The following DGKH variants were observed in gnomAD, a reference collection of about 807,000 sequenced individuals.
The protein encoded by DGKH is DAG kinase eta.
DGKH carries 90 observed loss-of-function variants against 159.3 expected under a neutral mutation model. The observed-to-expected ratio is 0.57, with a 90% CI of 0.48 to 0.67. DGKH has a LOEUF of 0.67. Among genes scored for constraint, DGKH ranks in the 30% least tolerant of loss-of-function variants. The pLI is 0.00. For missense variants in DGKH, 1,181 were observed against 1,506.1 expected, an observed-to-expected ratio of 0.78 and a Z score of 3.57; for synonymous variants, 536 against 553.8, an observed-to-expected ratio of 0.97 and a Z score of 0.45.
exon 1 of DGKH, chr13:42,040,098 G>A (rs889874504): frequency 2.6e-5 from 4 of 152,300 alleles, no homozygotes; most frequent in African/African-American, 4.8e-5. Flanking sequence ...TAGCTGGAGT[G>A]CGGCTGAGTT....
chr13:42,108,575 T>A (rs149286521), intron 1 of DGKH, among the ~76,000 whole-genome samples: 2 of 152,334 alleles, frequency 1.3e-5, no homozygotes, highest in Non-Finnish European at 2.9e-5. Context: ...AACTAAGACA[T>A]GTGTTACGTG....
At chr13:42,118,156 G>T (rs1420180435) in intron 1 of DGKH, among the ~76,000 whole-genome samples, 11 of 152,110 alleles carry the variant, frequency 7.2e-5, no homozygotes, top group Non-Finnish European at 1.6e-4. Context: ...GGCGGAGCTT[G>T]CAGTGAGCCC....
At chr13:42,085,874 C>G (rs1244936899) in intron 1 of DGKH, among the ~76,000 whole-genome samples, 2 of 152,140 alleles carry the variant, frequency 1.3e-5, no homozygotes, top group Non-Finnish European at 2.9e-5. Context: ...ATATTTACTA[C>G]ATACTGATAC....
At chr13:42,159,428 C>A in intron 6 of DGKH, 56 bp downstream of exon 6, 2 of 1,220,422 alleles carry the variant, frequency 1.6e-6, no homozygotes, top group Non-Finnish European at 2.4e-6. Flanking sequence ...TTATGTTCTG[C>A]TCTTGTGGAA....
chr13:42,159,015 A>G (rs957269194), intron 5 of DGKH, among the ~76,000 whole-genome samples: 1 of 152,014 alleles, frequency 6.6e-6, no homozygotes. Context: ...TTTTGCATTT[A>G]TTTCTTTTCT....
chr13:42,196,301 ATACACCCAAGAGAATTGAAAATACATGTC>A (rs1370657721), intron 17 of DGKH, among the ~76,000 whole-genome samples: 1 of 152,220 alleles, frequency 6.6e-6, no homozygotes, highest in Non-Finnish European at 1.5e-5. Context: ...ACTACTAGGT[ATACACCCAAGAGAATTGAAAATACATGTC>A]TACACAAAAA....
intron 16 of DGKH, 26 bp downstream of exon 16, chr13:42,190,551 T>A (rs756309055): frequency 1.2e-5 from 19 of 1,559,986 alleles, no homozygotes; most frequent in Non-Finnish European, 1.6e-5. Context: ...AAAAATTATT[T>A]TGGAATTAAA....
intron 1 of DGKH, among the ~76,000 whole-genome samples, chr13:42,049,632 C>T (rs1881118914): frequency 6.6e-6 from 1 of 152,204 alleles, no homozygotes; most frequent in Admixed American, 6.5e-5. Flanking sequence ...AAGGGCTGGC[C>T]AGGCTTTCGT....
intron 14 of DGKH, among the ~76,000 whole-genome samples, 174 bp downstream of exon 14, chr13:42,187,322 C>T (rs966245043): frequency 7.2e-5 from 11 of 152,190 alleles, no homozygotes; most frequent in Middle Eastern, 3.4e-3. Context: ...TTATTGTTAC[C>T]CTTTAATATG....
rs150732149 is a variant in DGKH at position 42,102,800 on chromosome 13, C to T, written c.193-24663C>T. On this transcript the variant is annotated intron_variant, in intron 1 of 29. Transcript: ENST00000337343. Reference sequence around the variant, plus strand: ...AATTTTTTATGAAAGACTAGGAAAGCCTTGGAACGGAGTTCATTCAGGACA... The same window carrying T: ...AATTTTTTATGAAAGACTAGGAAAGTCTTGGAACGGAGTTCATTCAGGACA... Among the ~76,000 whole-genome samples the T allele has an allele frequency of 1.2e-3, 184 of 152,252 alleles. 1 individual carries two copies. Among genetic ancestry groups the T allele is most frequent in the African/African-American group, 4.3e-3 (178 of 41,554 alleles).
chr13:42,077,873 A>T (rs1465086563), intron 1 of DGKH, among the ~76,000 whole-genome samples: 1 of 152,174 alleles, frequency 6.6e-6, no homozygotes, highest in African/African-American at 2.4e-5. Flanking sequence ...AATCTAAGTG[A>T]TTTTTCTGAT....
At chr13:42,147,288 C>T (rs1281052157) in intron 3 of DGKH, among the ~76,000 whole-genome samples, 1 of 152,026 alleles carries the variant, frequency 6.6e-6, no homozygotes, top group Admixed American at 6.6e-5. Flanking sequence ...TGTGAGATAC[C>T]CTGGTGATGT....
At chr13:42,070,752 G>A in intron 1 of DGKH, 3 of 1,595,628 alleles carry the variant, frequency 1.9e-6, no homozygotes, top group Non-Finnish European at 2.6e-6. Flanking sequence ...CTTTAGACAA[G>A]TCTGTCTTCA....
At chr13:42,171,049 T>C (rs1196423693) in intron 11 of DGKH, among the ~76,000 whole-genome samples, 3 of 152,198 alleles carry the variant, frequency 2.0e-5, no homozygotes, top group Non-Finnish European at 4.4e-5. Context: ...CACTTTGGGT[T>C]GGGTCAGAAA....
At chr13:42,085,987 A>C (rs1954293487) in intron 1 of DGKH, among the ~76,000 whole-genome samples, 1 of 151,894 alleles carries the variant, frequency 6.6e-6, no homozygotes, top group South Asian at 2.1e-4. Flanking sequence ...TAGTACAGTC[A>C]TGGCTCACTG....
chr13:42,186,922 G>A (rs957573144), intron 13 of DGKH, 127 bp from the exon 14 acceptor site: 11 of 752,662 alleles, frequency 1.5e-5, no homozygotes, highest in Non-Finnish European at 2.2e-5. Context: ...TAGAAGCATA[G>A]ATTTATATAC....
At chr13:42,175,713 A>G (rs994922077) in intron 12 of DGKH, among the ~76,000 whole-genome samples, 2 of 152,214 alleles carry the variant, frequency 1.3e-5, no homozygotes, top group African/African-American at 4.8e-5. Flanking sequence ...TTACTTTTGT[A>G]ACAAAGGGAT....
intron 3 of DGKH, among the ~76,000 whole-genome samples, chr13:42,142,782 TAAG>T (rs1293607616): frequency 6.6e-6 from 1 of 152,194 alleles, no homozygotes; most frequent in Non-Finnish European, 1.5e-5. Context: ...CCTATCACCT[TAAG>T]GAGATTTTGG....
chr13:42,193,889 C>T (rs902564410), intron 16 of DGKH, among the ~76,000 whole-genome samples: 2 of 152,066 alleles, frequency 1.3e-5, no homozygotes, highest in Admixed American at 6.5e-5. Flanking sequence ...CTTAAAAATA[C>T]CTACCAGTAA....
Sources: gnomAD v4.1 joint callset for allele counts (sites outside exome capture counted in the v4.1 genomes callset) on GRCh38, gnomAD v4.1.1 for gene constraint, MANE v1.5 for transcripts, NCBI Gene and HGNC (gene_info 2026-07-23, HGNC 2026-07-21) for gene names.